RRP1: variants seen among roughly 807,000 people sequenced by gnomAD.
The protein encoded by RRP1 is ribosomal RNA processing protein 1 homolog A.
Under a neutral mutation model 54.6 loss-of-function variants are expected in RRP1, and 37 were observed. That is an observed-to-expected ratio of 0.68 (90% CI 0.52 to 0.89). RRP1 has a LOEUF of 0.89. RRP1 is among the 40% of genes least tolerant of loss of function. The pLI, the probability that RRP1 is intolerant of heterozygous loss-of-function variation, is 0.00. For missense variants in RRP1, 639 were observed against 612.5 expected, an observed-to-expected ratio of 1.04 and a Z score of -0.46; for synonymous variants, 262 against 244.3, an observed-to-expected ratio of 1.07 and a Z score of -0.67.
rs374992641 is a variant in RRP1, at chr21:43,800,813, C to T, written c.990-49C>T. ...CCGCTCTAGCTGGAGCTTCCTCCTCCTGCGGAAGCCGCAGCTGTGGTAAGT... is the reference window on the plus strand; with the variant it reads ...CCGCTCTAGCTGGAGCTTCCTCCTCTTGCGGAAGCCGCAGCTGTGGTAAGT... On this transcript the variant is annotated intron_variant, in intron 10 of 12. Coordinates refer to ENST00000497547, the MANE Select transcript of RRP1 (RefSeq NM_003683.6). The T allele has an allele frequency of 4.3e-6, 7 of 1,611,136 alleles. No homozygotes were observed. In the African/African-American group the frequency reaches 6.7e-5, roughly 15 times the overall value.
At chr21:43,792,596 T>C in intron 2 of RRP1, 76 bp from the exon 3 acceptor site, 2 of 1,384,648 alleles carry the variant, frequency 1.4e-6, no homozygotes. Flanking sequence ...AGTGGGTGAG[T>C]GGGTGGTTGC....
intron 8 of RRP1, 75 bp from the exon 9 acceptor site, chr21:43,799,495 G>T: frequency 6.9e-7 from 1 of 1,458,584 alleles, no homozygotes; most frequent in Non-Finnish European, 9.5e-7. Flanking sequence ...CACGGAGCGG[G>T]CTCTCCATTC....
chr21:43,801,014 G>A (rs2085084612), intron 11 of RRP1, 133 bp downstream of exon 11: 12 of 988,864 alleles, frequency 1.2e-5, no homozygotes, highest in Non-Finnish European at 1.9e-5. Context: ...TGTTTCTGAG[G>A]GACAGGGAGG....
intron 4 of RRP1, 29 bp downstream of exon 4, chr21:43,793,433 C>T (rs754904111): frequency 5.5e-5 from 87 of 1,595,156 alleles, no homozygotes; most frequent in Non-Finnish European, 7.4e-5. Context: ...TGCCGGCGGG[C>T]GGGGGCAGCG....
At chr21:43,791,525 G>T (rs572434281) in intron 2 of RRP1, 93 bp downstream of exon 2, 1 of 1,171,264 alleles carries the variant, frequency 8.5e-7, no homozygotes, top group Admixed American at 2.0e-5. Context: ...TTTTTAAGTC[G>T]GAGTTTCGCT....
Position 43,797,949 on chromosome 21 carries a change from G to T in RRP1, c.660G>T (p.Thr220=), listed in dbSNP as rs376975709. ...LNNITRGIFE[T]IVEQAPLAIE... is the part of the protein sequence containing the mutation. ...ACATCACTCGAGGCATCTTTGAGACGATTGTGGAGCAGGCCCCGCTTGCCA... is the reference window on the plus strand; with the variant it reads ...ACATCACTCGAGGCATCTTTGAGACTATTGTGGAGCAGGCCCCGCTTGCCA... Residue 220 remains threonine (T), a synonymous_variant, in exon 8 of 13, where the codon ACG becomes ACT. Coordinates refer to ENST00000497547, the MANE Select transcript of RRP1 (RefSeq NM_003683.6). 2 of 1,614,064 alleles carry T rather than the reference G, an allele frequency of 1.2e-6. No individual in the cohort carries two copies. The highest frequency in any genetic ancestry group is 1.6e-4 in the Middle Eastern group (1 of 6,084).
At position 43,804,034 on chromosome 21, in the gene RRP1, T is replaced by A; in HGVS notation, c.*260T>A. On this transcript the variant is annotated 3_prime_UTR_variant, in exon 13 of 13. Coordinates refer to ENST00000497547, the MANE Select transcript of RRP1 (RefSeq NM_003683.6). This position sits in a 1 kb window ranked among gnomAD's most constrained non-coding sequence, Gnocchi z 4.3. ...AAACTCCGAAGACTGAAACTCTGCC[T>A]GCAGCAGGACTGGCCGCCCCTGCTG... 1 of 475,690 alleles carries A rather than the reference T, an allele frequency of 2.1e-6. No individual in the cohort carries two copies. The highest frequency in any genetic ancestry group is 3.7e-6 in the Non-Finnish European group (1 of 271,834). 29.5% of individuals were successfully genotyped at this position (475,690 alleles called of 1,614,324 possible). A position where few individuals can be genotyped will look rare whatever the true frequency, so the allele number is the denominator to read the frequency against.
At chr21:43,792,626 C>T (rs751856075) in intron 2 of RRP1, 46 bp from the exon 3 acceptor site, 1 of 1,593,450 alleles carries the variant, frequency 6.3e-7, no homozygotes, top group Non-Finnish European at 8.6e-7. Flanking sequence ...ATTGTGAGAG[C>T]CTGGTGCTTC....
In RRP1 at chr21:43,797,515, C is replaced by G. The variant is rs891234992; in HGVS notation, c.516C>G (p.Ile172Met). The G allele has an allele frequency of 6.2e-7, 1 of 1,614,096 alleles. No homozygotes were observed. The change falls in exon 6 of 13, where the codon ATC becomes ATG. Residue 172 changes from isoleucine to methionine, a missense_variant. Physicochemically the swap from Ile to Met is conservative, Grantham distance 10. Coordinates refer to ENST00000497547, the MANE Select transcript of RRP1 (RefSeq NM_003683.6). ...PNGVKSHFIE[I>M]FLEELTKVGA... Reference sequence around the variant, plus strand: ...GTGTGAAGAGCCACTTCATCGAGATCTTCCTGGAGGAGCTGACCAAAGTGG... The same window carrying G: ...GTGTGAAGAGCCACTTCATCGAGATGTTCCTGGAGGAGCTGACCAAAGTGG...
Position 43,791,332 on chromosome 21 carries a change from G to A in RRP1, c.134-18G>A, listed in dbSNP as rs1278277445. The A allele has an allele frequency of 1.5e-5, 24 of 1,613,022 alleles. No individual in the cohort carries two copies. Among genetic ancestry groups the A allele is most frequent in the Middle Eastern group, 1.6e-4 (1 of 6,078 alleles). The stretch of plus-strand genomic sequence containing the variant: ...GGTGTGGGATTCATTTGGTCCAACC[G>A]TTGCTGTTTTGATGCAGGTGGTTTT... On this transcript the variant is annotated intron_variant, in intron 1 of 12. Transcript: ENST00000497547.
chr21:43,790,791 G>A (rs1164446709), intron 1 of RRP1: 7 of 313,762 alleles, frequency 2.2e-5, no homozygotes, highest in African/African-American at 1.5e-4. Flanking sequence ...GTCTTCCTAT[G>A]TTGCCCAGAC....
chr21:43,791,786 G>A (rs2084961805), intron 2 of RRP1, among the ~76,000 whole-genome samples: 2 of 152,188 alleles, frequency 1.3e-5, no homozygotes, highest in South Asian at 4.1e-4. Flanking sequence ...TTACAGGCAT[G>A]AGCCACCGCG....
chr21:43,800,556 G>T lies in RRP1; in HGVS notation c.931G>T (p.Ala311Ser), dbSNP rs753271460. 1.1e-5 allele frequency: 18 copies of T among 1,614,256 alleles called. No homozygotes were observed. The Admixed American group carries it at 3.0e-4, about 27-fold the overall frequency. ...AGTTGCTAACAGACTGTTTGAAATGGCCAGCCGCCAGAGCACCCCTTCTCA... is the reference window on the plus strand; with the variant it reads ...AGTTGCTAACAGACTGTTTGAAATGTCCAGCCGCCAGAGCACCCCTTCTCA... ...EAVANRLFEM[A>S]SRQSTPSQNR... Residue 311 changes from alanine (A) to serine (S), a missense_variant, in exon 10 of 13, where the codon GCC (alanine) becomes TCC (serine). By Grantham distance (99) the Ala-to-Ser change is moderately conservative. Coordinates refer to ENST00000497547, the MANE Select transcript of RRP1 (RefSeq NM_003683.6).
intron 4 of RRP1, among the ~76,000 whole-genome samples, chr21:43,794,878 A>G (rs1461198594): frequency 1.3e-5 from 2 of 152,170 alleles, no homozygotes; most frequent in African/African-American, 4.8e-5. Context: ...GTTCCGTTTC[A>G]GCCCCGGTTT....
chr21:43,792,352 G>A (rs1172691461), intron 2 of RRP1, among the ~76,000 whole-genome samples: 3 of 152,140 alleles, frequency 2.0e-5, no homozygotes, highest in Admixed American at 6.5e-5. Flanking sequence ...GCTCTCCCAC[G>A]TCCCTCTTTA....
rs754431651 is a variant in RRP1, at chr21:43,799,622, C to A, written c.864C>A (p.Asp288Glu). 6.2e-7 allele frequency: 1 copy of A among 1,612,030 alleles called. No individual in the cohort carries two copies. Among genetic ancestry groups the A allele is most frequent in the South Asian group, 1.1e-5 (1 of 90,442 alleles). The change falls in exon 9 of 13, where the codon GAC (aspartate) becomes GAA (glutamate). Residue 288 changes from aspartate to glutamate, a missense_variant. Asp to Glu is a conservative substitution (Grantham distance 45, BLOSUM62 2). Coordinates refer to ENST00000497547, the MANE Select transcript of RRP1 (RefSeq NM_003683.6). ...CTGGTGAGGAGCAGGCAGGTGACGACAGGGACAGTGGCGGCCCCGTTCTCC... is the reference window on the plus strand; with the variant it reads ...CTGGTGAGGAGCAGGCAGGTGACGAAAGGGACAGTGGCGGCCCCGTTCTCC... ...PEAGEEQAGD[D>E]RDSGGPVLQF... is the part of the protein sequence containing the mutation.
In RRP1 at chr21:43,803,050, G is replaced by A. The variant is rs118048435; in HGVS notation, c.1124-462G>A. Among the ~76,000 whole-genome samples the A allele has an allele frequency of 2.4e-3, 367 of 152,310 alleles. 2 individuals are homozygous for A. Among genetic ancestry groups the A allele is most frequent in the Non-Finnish European group, 3.8e-3 (258 of 68,018 alleles). On this transcript the variant is annotated intron_variant, in intron 12 of 12. Transcript: ENST00000497547. ...CTGTTACTCTCTCCATGCTAAACTG[G>A]CCCCAGGGCCTAGGGATTCACCCCT...
At chr21:43,789,824 G>C in intron 1 of RRP1, 62 bp downstream of exon 1, 1 of 1,426,628 alleles carries the variant, frequency 7.0e-7, no homozygotes, top group Non-Finnish European at 9.2e-7. Context: ...GGGTGTGGGC[G>C]GCGGCGGCCG....
chr21:43,798,715 G>T (rs758876231), intron 8 of RRP1, among the ~76,000 whole-genome samples: 1 of 152,048 alleles, frequency 6.6e-6, no homozygotes, highest in Admixed American at 6.5e-5. Flanking sequence ...GTGGGCAGCC[G>T]TGGGGTCCAG....
Sources: allele counts gnomAD v4.1 joint callset (sites outside exome capture counted in the v4.1 genomes callset), GRCh38; gene constraint gnomAD v4.1.1; non-coding constraint Gnocchi (gnomAD v3.1); transcripts MANE v1.5; gene names NCBI Gene and HGNC (gene_info 2026-07-23, HGNC 2026-07-21).